ATP9B: variants seen among roughly 807,000 people sequenced by gnomAD.
ATP9B encodes the protein ATPase phospholipid transporting 9B, also known as probable phospholipid-transporting ATPase IIB.
Under a neutral mutation model 146.1 loss-of-function variants are expected in ATP9B, and 110 were observed. The observed-to-expected ratio is 0.75, with a 90% CI of 0.65 to 0.88. The LOEUF is 0.88. Among genes scored for constraint, ATP9B ranks in the 40% least tolerant of loss-of-function variants. The pLI is 0.00. For missense variants in ATP9B, 1,499 were observed against 1,496.4 expected, an observed-to-expected ratio of 1.00 and a Z score of -0.03; for synonymous variants, 604 against 569.7, an observed-to-expected ratio of 1.06 and a Z score of -0.86.
chr18:79,327,212 G>T (rs1340131485), intron 15 of ATP9B, among the ~76,000 whole-genome samples: 1 of 152,244 alleles, frequency 6.6e-6, no homozygotes, highest in African/African-American at 2.4e-5. Flanking sequence ...AAACTGTTTG[G>T]CTGAGAGTGA....
intron 12 of ATP9B, among the ~76,000 whole-genome samples, chr18:79,258,425 C>A (rs1269064995): frequency 1.3e-5 from 2 of 152,102 alleles, no homozygotes; most frequent in Admixed American, 6.5e-5. Context: ...GCAAGAGCCT[C>A]TCTCGAAAGA....
chr18:79,270,816 C>T (rs2096246630), intron 12 of ATP9B, among the ~76,000 whole-genome samples: 1 of 152,144 alleles, frequency 6.6e-6, no homozygotes. Flanking sequence ...GGGAATGAAG[C>T]CCCATTTGTC....
chr18:79,305,929 A>G (rs939528899), intron 14 of ATP9B, among the ~76,000 whole-genome samples: 3 of 152,250 alleles, frequency 2.0e-5, no homozygotes, highest in Non-Finnish European at 2.9e-5. Context: ...GATAGAGGGC[A>G]TAATCTTTCA....
chr18:79,315,385 C>T (rs973808711), intron 15 of ATP9B, among the ~76,000 whole-genome samples: 6 of 152,134 alleles, frequency 3.9e-5, no homozygotes, highest in Non-Finnish European at 7.3e-5. Flanking sequence ...ATAAATACTA[C>T]GTAGCCTATC....
chr18:79,078,771 C>T (rs1050557246), intron 1 of ATP9B, among the ~76,000 whole-genome samples: 2 of 151,864 alleles, frequency 1.3e-5, no homozygotes, highest in Non-Finnish European at 2.9e-5. Flanking sequence ...ATCAACCCAT[C>T]ATCTACATTA....
chr18:79,334,814 C>T (rs1046727487), intron 17 of ATP9B, among the ~76,000 whole-genome samples: 13 of 151,428 alleles, frequency 8.6e-5, no homozygotes, highest in Admixed American at 2.0e-4. Flanking sequence ...GGAGACCCAC[C>T]GGTGCCCTCC....
At chr18:79,299,574 C>G (rs778156819) in intron 13 of ATP9B, among the ~76,000 whole-genome samples, 5 of 152,196 alleles carry the variant, frequency 3.3e-5, no homozygotes, top group Admixed American at 6.5e-5. Flanking sequence ...AGCCTCTCTC[C>G]CTGTTATGCT....
At chr18:79,337,202 C>T in intron 18 of ATP9B, 77 bp from the exon 19 acceptor site, 1 of 1,557,696 alleles carries the variant, frequency 6.4e-7, no homozygotes, top group Non-Finnish European at 8.8e-7. Flanking sequence ...TCCCCACAGC[C>T]CATGCAGTCC....
chr18:79,207,204 A>G (rs1369349587), intron 10 of ATP9B, among the ~76,000 whole-genome samples, 192 bp downstream of exon 10: 1 of 152,208 alleles, frequency 6.6e-6, no homozygotes, highest in African/African-American at 2.4e-5. Flanking sequence ...CTCCTCAGAC[A>G]CTGCACGTGG....
At chr18:79,353,016 G>T (rs1291756060) in intron 25 of ATP9B, 1 of 152,228 alleles carries the variant, frequency 6.6e-6, no homozygotes, top group Non-Finnish European at 1.5e-5. Context: ...AGAATGGTCA[G>T]TAAGCACAAG....
intron 25 of ATP9B, among the ~76,000 whole-genome samples, chr18:79,351,895 C>T (rs1568793605): frequency 6.6e-6 from 1 of 152,092 alleles, no homozygotes; most frequent in Non-Finnish European, 1.5e-5. Flanking sequence ...CTGTGACCCC[C>T]AAGCCCACTC....
intron 11 of ATP9B, among the ~76,000 whole-genome samples, chr18:79,244,424 G>T (rs1042655542): frequency 6.6e-6 from 1 of 152,056 alleles, no homozygotes; most frequent in African/African-American, 2.4e-5. Context: ...CACTAGAAAC[G>T]CATCAACTAA....
chr18:79,243,517 T>G (rs1160445691), intron 11 of ATP9B, among the ~76,000 whole-genome samples: 4 of 152,148 alleles, frequency 2.6e-5, no homozygotes, highest in Non-Finnish European at 5.9e-5. Flanking sequence ...ATTTACACAA[T>G]AAGCCAAGAA....
intron 8 of ATP9B, among the ~76,000 whole-genome samples, chr18:79,184,126 G>C (rs1163758004): frequency 2.0e-5 from 3 of 152,038 alleles, no homozygotes; most frequent in South Asian, 4.1e-4. Context: ...TGTACCAGGA[G>C]GCTGTTTGCC....
At position 79,306,912 on chromosome 18, in the gene ATP9B, T is replaced by C. The variant is rs960950589; in HGVS notation, c.1525-74T>C. 2.0e-6 allele frequency: 3 copies of C among 1,511,808 alleles called. No individual in the cohort carries two copies. The African/African-American group carries it at 4.2e-5, about 21-fold the overall frequency. 93.6% of individuals were successfully genotyped at this position (1,511,808 alleles called of 1,614,324 possible). Reference sequence around the variant, plus strand: ...CTACTTTGCTTGTAAAAATCATATATGTTAATAATTCCATGTTAACTAGAT... The same window carrying C: ...CTACTTTGCTTGTAAAAATCATATACGTTAATAATTCCATGTTAACTAGAT... On this transcript the variant is annotated intron_variant, in intron 14 of 29. Transcript: ENST00000426216.
chr18:79,272,581 C>G (rs1452553651), intron 12 of ATP9B, among the ~76,000 whole-genome samples: 1 of 151,654 alleles, frequency 6.6e-6, no homozygotes, highest in Non-Finnish European at 1.5e-5. Context: ...TCTCCCTGAG[C>G]TCTCTCCACT....
chr18:79,377,104 G>A (rs2097107264), intron 29 of ATP9B, 143 bp from the exon 30 acceptor site: 3 of 923,782 alleles, frequency 3.2e-6, no homozygotes, highest in Admixed American at 2.2e-5. Context: ...CTGAGATTTG[G>A]AGCTGGGCCC....
chr18:79,305,822 G>A lies in ATP9B; in HGVS notation c.1525-1164G>A, dbSNP rs79836073. ...TGATCTGATTCTCTATCGGTATTCT[G>A]TTTTATTACTAAGATGACAGGAGTC... On this transcript the variant is annotated intron_variant, in intron 14 of 29. Coordinates refer to ENST00000426216, the MANE Select transcript of ATP9B (RefSeq NM_198531.5). Among the ~76,000 whole-genome samples the A allele has an allele frequency of 6.8e-4, 104 of 152,320 alleles. 1 individual carries two copies. In the East Asian group the frequency reaches 0.018, roughly 26 times the overall value.
chr18:79,094,311 C>G (rs755302349), intron 1 of ATP9B, among the ~76,000 whole-genome samples: 1 of 152,218 alleles, frequency 6.6e-6, no homozygotes, highest in African/African-American at 2.4e-5. Flanking sequence ...CATCCCTCGT[C>G]CAGCTTTCTC....
Sources: gnomAD v4.1 joint callset for allele counts (sites outside exome capture counted in the v4.1 genomes callset) on GRCh38, gnomAD v4.1.1 for gene constraint, MANE v1.5 for transcripts, NCBI Gene and HGNC (gene_info 2026-07-23, HGNC 2026-07-21) for gene names.